Variants in TMED8 observed in about 807,000 individuals in gnomAD.
The protein encoded by TMED8 is transmembrane p24 trafficking protein family member 8.
TMED8 carries 15 observed loss-of-function variants against 32.7 expected under a neutral mutation model. That is an observed-to-expected ratio of 0.46 (90% CI 0.31 to 0.71). TMED8 has a LOEUF of 0.71. TMED8 is among the 30% of genes least tolerant of loss of function. The pLI is 0.06. For synonymous variants in TMED8, 147 were observed against 161.4 expected (o/e 0.91, Z 0.68); for missense variants, 390 against 423.9 (o/e 0.92, Z 0.70).
chr14:77,347,132 C>G (rs925761098), intron 2 of TMED8, among the ~76,000 whole-genome samples: 7 of 152,102 alleles, frequency 4.6e-5, no homozygotes, highest in Admixed American at 1.3e-4. Flanking sequence ...TCTGTGAGTT[C>G]CAATGTTATT....
chr14:77,357,669 G>C (rs1893322328), intron 1 of TMED8, among the ~76,000 whole-genome samples: 1 of 152,106 alleles, frequency 6.6e-6, no homozygotes, highest in African/African-American at 2.4e-5. Context: ...TCCTAATTTT[G>C]GCCTGTGGGA....
In TMED8 at chr14:77,337,010, T is replaced by C. The variant is rs1303104772; in HGVS notation, c.*4761A>G. 6.6e-6 allele frequency: 1 copy of C among 152,222 alleles called. No individual in the cohort carries two copies. Among genetic ancestry groups the C allele is most frequent in the Non-Finnish European group, 1.5e-5 (1 of 68,050 alleles). The allele number at this position is 152,222 out of a possible 1,614,324, so 9.4% of individuals were successfully genotyped here. On this transcript the variant is annotated 3_prime_UTR_variant, in exon 6 of 6. Transcript: ENST00000216468. ...CTTAATATAAGACAGCGTTCAGATT[T>C]CACTCTTCCATATACATATTATAAT...
chr14:77,342,094 T>C, intron 5 of TMED8, 106 bp from the exon 6 acceptor site: 1 of 866,470 alleles, frequency 1.2e-6, no homozygotes, highest in Non-Finnish European at 1.8e-6. Context: ...GGGAGATTAT[T>C]GCCCTCCTAC....
In TMED8 at chr14:77,343,133, C is replaced by T. The variant is rs549675916; in HGVS notation, c.760+45G>A. ...AACCCACAAAATGGTCACCAGAAATCAGATTAAGCCAGAAAACTGCAAATT... is the reference window on the plus strand; with the variant it reads ...AACCCACAAAATGGTCACCAGAAATTAGATTAAGCCAGAAAACTGCAAATT... On this transcript the variant is annotated intron_variant, in intron 5 of 5. Transcript: ENST00000216468. The T allele has an allele frequency of 6.3e-6, 10 of 1,581,874 alleles. 1 individual carries two copies. In the South Asian group the frequency reaches 1.1e-4, roughly 18 times the overall value.
At position 77,336,126 on chromosome 14, in the gene TMED8, A is replaced by C. The variant is rs1474468158; in HGVS notation, c.*5645T>G. On this transcript the variant is annotated 3_prime_UTR_variant, in exon 6 of 6. Transcript: ENST00000216468. Reference sequence around the variant, plus strand: ...TCAAACCAAAACTTCAGAAGGGTTCATGATCCTATTTCAGGACTTTAGAAA... The same window carrying C: ...TCAAACCAAAACTTCAGAAGGGTTCCTGATCCTATTTCAGGACTTTAGAAA... 6.6e-6 allele frequency: 1 copy of C among 152,216 alleles called. No individual in the cohort carries two copies. Among genetic ancestry groups the C allele is most frequent in the Non-Finnish European group, 1.5e-5 (1 of 68,038 alleles). The allele number at this position is 152,216 out of a possible 1,614,324, so 9.4% of individuals were successfully genotyped here.
intron 1 of TMED8, among the ~76,000 whole-genome samples, chr14:77,362,080 T>C (rs1461229393): frequency 6.6e-6 from 1 of 152,258 alleles, no homozygotes; most frequent in Non-Finnish European, 1.5e-5. Context: ...TGCAACTTTA[T>C]TGATATCATT....
chr14:77,357,512 C>T (rs182580113), intron 1 of TMED8, among the ~76,000 whole-genome samples: 3 of 152,350 alleles, frequency 2.0e-5, no homozygotes, highest in Admixed American at 6.5e-5. Flanking sequence ...TACTCTGACA[C>T]AGTCATAAGA....
chr14:77,335,481 C>G lies in TMED8; in HGVS notation c.*6290G>C, dbSNP rs2139592678. The G allele has an allele frequency of 6.6e-6, 1 of 152,326 alleles. No individual in the cohort carries two copies. Among genetic ancestry groups the G allele is most frequent in the East Asian group, 1.9e-4 (1 of 5,192 alleles). The allele number at this position is 152,326 out of a possible 1,614,324, so 9.4% of individuals were successfully genotyped here. On this transcript the variant is annotated 3_prime_UTR_variant, in exon 6 of 6. Coordinates refer to ENST00000216468, the MANE Select transcript of TMED8 (RefSeq NM_213601.3). ...TAAGAAAATAATGTCTTTGTAGTTGCCAATTGCTTAAATCTTTACGAAGAA... is the reference window on the plus strand; with the variant it reads ...TAAGAAAATAATGTCTTTGTAGTTGGCAATTGCTTAAATCTTTACGAAGAA...
rs1650378415 is a variant in TMED8, at chr14:77,376,285, T to G, written c.118+651A>C. On this transcript the variant is annotated intron_variant, in intron 1 of 5. Transcript: ENST00000216468. This position sits in a 1 kb window ranked among gnomAD's most constrained non-coding sequence, Gnocchi z 4.0. Reference sequence around the variant, plus strand: ...TTGAGAATGAGGGAGGTAGGCCAAATTTTTAATTCCTGCTCTTGCTTTGGC... The same window carrying G: ...TTGAGAATGAGGGAGGTAGGCCAAAGTTTTAATTCCTGCTCTTGCTTTGGC... 6.6e-6 allele frequency among the ~76,000 whole-genome samples: 1 copy of G among 152,212 alleles called. No individual in the cohort carries two copies. The highest frequency in any genetic ancestry group is 2.1e-4 in the South Asian group (1 of 4,836).
intron 1 of TMED8, among the ~76,000 whole-genome samples, chr14:77,366,676 T>C (rs1893558649): frequency 6.6e-6 from 1 of 152,238 alleles, no homozygotes; most frequent in Non-Finnish European, 1.5e-5. Context: ...TTTGTTATTA[T>C]AACCAAGACT....
chr14:77,348,405 A>G (rs1197828966), intron 2 of TMED8, among the ~76,000 whole-genome samples: 1 of 151,974 alleles, frequency 6.6e-6, no homozygotes, highest in African/African-American at 2.4e-5. Flanking sequence ...TTGTATTTTT[A>G]GTAGAGACGT....
chr14:77,345,544 C>T (rs1361200121), intron 3 of TMED8, among the ~76,000 whole-genome samples: 3 of 151,370 alleles, frequency 2.0e-5, no homozygotes, highest in African/African-American at 7.3e-5. Context: ...CACTTCCATA[C>T]AGCTACTTGG....
At chr14:77,361,273 C>T (rs899650810) in intron 1 of TMED8, among the ~76,000 whole-genome samples, 8 of 152,172 alleles carry the variant, frequency 5.3e-5, no homozygotes, top group Non-Finnish European at 8.8e-5. Flanking sequence ...TGAGCCACCA[C>T]GCCCGGCCCA....
At position 77,343,903 on chromosome 14, in the gene TMED8, C is replaced by T; in HGVS notation, c.328-80G>A. ...CTCTTTTTGCATGAAGGCTGCCCCACCCCTGCTCTATTATCTCCACTATCC... is the reference window on the plus strand; with the variant it reads ...CTCTTTTTGCATGAAGGCTGCCCCATCCCTGCTCTATTATCTCCACTATCC... On this transcript the variant is annotated intron_variant, in intron 3 of 5. Coordinates refer to ENST00000216468, the MANE Select transcript of TMED8 (RefSeq NM_213601.3). The T allele has an allele frequency of 4.0e-6, 6 of 1,482,706 alleles. No homozygotes were observed. The South Asian group carries it at 5.1e-5, about 13-fold the overall frequency. 91.8% of individuals were successfully genotyped at this position (1,482,706 alleles called of 1,614,324 possible). A position where few individuals can be genotyped will look rare whatever the true frequency, so the allele number is the denominator to read the frequency against.
chr14:77,351,310 C>A (rs1456792111), intron 2 of TMED8, among the ~76,000 whole-genome samples: 2 of 150,134 alleles, frequency 1.3e-5, no homozygotes, highest in East Asian at 4.0e-4. Flanking sequence ...TATGATGAAA[C>A]CCCGTCTCTA....
chr14:77,352,410 G>T (rs549900801), intron 1 of TMED8, among the ~76,000 whole-genome samples: 2 of 139,312 alleles, frequency 1.4e-5, no homozygotes, highest in Non-Finnish European at 3.1e-5. Context: ...GCAAAACTCC[G>T]TCTCAAAAAT....
At chr14:77,364,198 T>TTTC (rs941336771) in intron 1 of TMED8, among the ~76,000 whole-genome samples, 1 of 152,158 alleles carries the variant, frequency 6.6e-6, no homozygotes, top group Non-Finnish European at 1.5e-5. Context: ...CTTTCTTTTT[T>TTTC]TTCTTCTTCT....
At chr14:77,373,746 A>C (rs1327768171) in intron 1 of TMED8, among the ~76,000 whole-genome samples, 2 of 152,194 alleles carry the variant, frequency 1.3e-5, no homozygotes, top group Non-Finnish European at 2.9e-5. Context: ...TGTGATTTCC[A>C]ATGTTAGAGG....
intron 1 of TMED8, among the ~76,000 whole-genome samples, chr14:77,370,082 G>T (rs865884141): frequency 1.3e-5 from 2 of 150,910 alleles, no homozygotes; most frequent in Admixed American, 1.3e-4. Flanking sequence ...TGAGGCAGGA[G>T]AATCGCTTGA....
Sources: allele counts gnomAD v4.1 joint callset (sites outside exome capture counted in the v4.1 genomes callset), GRCh38; gene constraint gnomAD v4.1.1; non-coding constraint Gnocchi (gnomAD v3.1); transcripts MANE v1.5; gene names NCBI Gene and HGNC (gene_info 2026-07-23, HGNC 2026-07-21).